Variants in WDPCP observed in about 807,000 individuals in gnomAD.
The protein encoded by WDPCP is WD repeat containing planar cell polarity effector, also known as WD repeat-containing and planar cell polarity effector protein fritz homolog.
A neutral mutation model predicts 93.1 loss-of-function variants in WDPCP; 71 were observed. The ratio of observed to expected loss-of-function variants is 0.76; its 90% CI spans 0.63 to 0.93. WDPCP has a LOEUF of 0.93. WDPCP is among the 40% of genes least tolerant of loss of function. WDPCP has a pLI of 0.00. For synonymous variants in WDPCP, 315 were observed against 315.0 expected, an observed-to-expected ratio of 1.00 and a Z score of 0.00; for missense variants, 844 against 887.4, an observed-to-expected ratio of 0.95 and a Z score of 0.62.
intron 2 of WDPCP, among the ~76,000 whole-genome samples, chr2:63,791,271 T>C (rs1449931487): frequency 6.6e-5 from 10 of 152,210 alleles, no homozygotes; most frequent in Admixed American, 4.6e-4. Flanking sequence ...ACTTGGTGTC[T>C]GACAAGCTCA....
chr2:63,578,404 T>C (rs910840080), intron 1 of WDPCP, among the ~76,000 whole-genome samples: 1 of 152,344 alleles, frequency 6.6e-6, no homozygotes, highest in Admixed American at 6.5e-5. Flanking sequence ...AAATCCATAT[T>C]GCCAATTATA....
chr2:63,668,698 C>CT (rs1710312525), intron 2 of WDPCP, among the ~76,000 whole-genome samples: 1 of 152,206 alleles, frequency 6.6e-6, no homozygotes. Flanking sequence ...CCTGCCCCCG[C>CT]TTTCCAGGGT....
chr2:63,130,596 C>G (rs1157575726), intron 17 of WDPCP, among the ~76,000 whole-genome samples: 3 of 151,788 alleles, frequency 2.0e-5, no homozygotes, highest in Admixed American at 1.3e-4. Context: ...TTCAAGGTCC[C>G]TTGATTTTCC....
intron 1 of WDPCP, among the ~76,000 whole-genome samples, chr2:63,550,217 ACACAC>A (rs1705492955): frequency 6.6e-6 from 1 of 151,324 alleles, no homozygotes; most frequent in Admixed American, 6.6e-5. Flanking sequence ...ACACACACAC[ACACAC>A]ACACACACAC....
chr2:63,550,028 C>G (rs1167752530), intron 1 of WDPCP, among the ~76,000 whole-genome samples: 2 of 151,550 alleles, frequency 1.3e-5, no homozygotes, highest in Non-Finnish European at 2.9e-5. Context: ...TCCGCTCTGT[C>G]TTAAACATCT....
chr2:63,723,274 T>C (rs1432376503), intron 2 of WDPCP, among the ~76,000 whole-genome samples: 2 of 146,228 alleles, frequency 1.4e-5, no homozygotes, highest in Non-Finnish European at 3.0e-5. Flanking sequence ...CACCCAAGAA[T>C]TATCAATAAA....
intron 3 of WDPCP, chr2:63,605,927 T>C: frequency 6.2e-7 from 1 of 1,608,276 alleles, no homozygotes; most frequent in East Asian, 2.2e-5. Flanking sequence ...TGTGAAACAT[T>C]GTTATTTTCA....
chr2:63,182,374 A>C (rs1674312114), intron 14 of WDPCP, among the ~76,000 whole-genome samples: 1 of 151,932 alleles, frequency 6.6e-6, no homozygotes, highest in Admixed American at 6.6e-5. Flanking sequence ...AATTTTATCA[A>C]ATGCTTTTTC....
At chr2:63,408,202 T>G (rs368172267) in intron 9 of WDPCP, among the ~76,000 whole-genome samples, 1 of 152,080 alleles carries the variant, frequency 6.6e-6, no homozygotes, top group South Asian at 2.1e-4. Flanking sequence ...AGCCACAGAC[T>G]CTCTGAAGGA....
intron 3 of WDPCP, chr2:63,643,986 C>G (rs1710015728): frequency 4.2e-6 from 2 of 476,930 alleles, no homozygotes; most frequent in Admixed American, 2.2e-5. Flanking sequence ...ATCAATTTAT[C>G]CAGCATCCAA....
intron 10 of WDPCP, among the ~76,000 whole-genome samples, chr2:63,384,315 C>G (rs1168874344): frequency 6.6e-6 from 1 of 152,034 alleles, no homozygotes; most frequent in Non-Finnish European, 1.5e-5. Context: ...TAAGAATGAT[C>G]ACTACAGAAC....
chr2:63,498,815 G>A (rs770845737), intron 1 of WDPCP, among the ~76,000 whole-genome samples: 1 of 152,166 alleles, frequency 6.6e-6, no homozygotes, highest in Non-Finnish European at 1.5e-5. Flanking sequence ...AGAAGACATT[G>A]CTGTAGTTAT....
At chr2:63,557,389 A>G (rs567939257) in intron 1 of WDPCP, among the ~76,000 whole-genome samples, 1 of 152,336 alleles carries the variant, frequency 6.6e-6, no homozygotes, top group Admixed American at 6.5e-5. Context: ...ACTTTAAACC[A>G]ACAAAGACCA....
intron 14 of WDPCP, among the ~76,000 whole-genome samples, chr2:63,200,691 G>A (rs767952405): frequency 5.3e-5 from 8 of 152,168 alleles, no homozygotes; most frequent in Non-Finnish European, 7.3e-5. Context: ...GTGGGGGAGA[G>A]TGAGGATGTT....
At chr2:63,437,043 T>G (rs765474329) in intron 8 of WDPCP, among the ~76,000 whole-genome samples, 41 of 152,104 alleles carry the variant, frequency 2.7e-4, no homozygotes, top group Non-Finnish European at 4.3e-4. Flanking sequence ...AAGTGGAAAG[T>G]ATCCTACCCT....
At chr2:63,279,622 A>G (rs1171292326) in intron 13 of WDPCP, among the ~76,000 whole-genome samples, 1 of 152,228 alleles carries the variant, frequency 6.6e-6, no homozygotes, top group African/African-American at 2.4e-5. Context: ...CAATCAGACA[A>G]GAGAAAGAAA....
chr2:63,751,954 C>A (rs182768167), intron 2 of WDPCP: 78 of 647,768 alleles, frequency 1.2e-4, no homozygotes, highest in East Asian at 1.1e-3. Flanking sequence ...ACCACAGCTG[C>A]CATCATGACC....
intron 12 of WDPCP, among the ~76,000 whole-genome samples, chr2:63,326,793 G>A (rs954917384): frequency 2.0e-5 from 3 of 152,086 alleles, no homozygotes; most frequent in Non-Finnish European, 4.4e-5. Context: ...CAGAAAGAGA[G>A]ACGAAGATGT....
intron 3 of WDPCP, among the ~76,000 whole-genome samples, chr2:63,607,930 GCAGTAAGGCTAGA>G (rs1401140901): frequency 4.0e-4 from 61 of 152,102 alleles, no homozygotes; most frequent in Admixed American, 2.9e-3. Flanking sequence ...CCAGGGGAAG[GCAGTAAGGCTAGA>G]AAGATAAAGC....
Sources: allele counts gnomAD v4.1 joint callset (sites outside exome capture counted in the v4.1 genomes callset), GRCh38; gene constraint gnomAD v4.1.1; transcripts MANE v1.5; gene names NCBI Gene and HGNC (gene_info 2026-07-23, HGNC 2026-07-21).